The following MXI1 variants were observed in gnomAD, a reference collection of about 807,000 sequenced individuals.
The protein encoded by MXI1 is max-interacting protein 1.
Under a neutral mutation model 36.9 loss-of-function variants are expected in MXI1, and 18 were observed. The ratio of observed to expected loss-of-function variants is 0.49; its 90% CI spans 0.34 to 0.72. The LOEUF is 0.72. Ranked by LOEUF, MXI1 falls within the 30% of genes least tolerant of loss-of-function variation. The pLI, the probability that MXI1 is intolerant of heterozygous loss-of-function variation, is 0.01. For synonymous variants in MXI1, 160 were observed against 146.7 expected, an observed-to-expected ratio of 1.09 and a Z score of -0.65; for missense variants, 304 against 379.1, an observed-to-expected ratio of 0.80 and a Z score of 1.64.
chr10:110,232,374 C>A (rs564574096), intron 2 of MXI1, among the ~76,000 whole-genome samples: 2 of 152,126 alleles, frequency 1.3e-5, no homozygotes, highest in African/African-American at 2.4e-5. Context: ...TTTCCCTCCC[C>A]CTTTGTTATC....
intron 3 of MXI1, among the ~76,000 whole-genome samples, chr10:110,258,555 T>G (rs1856395936): frequency 6.6e-6 from 1 of 152,164 alleles, no homozygotes; most frequent in Admixed American, 6.6e-5. Flanking sequence ...CATGTATTTC[T>G]TTTTGTATGC....
intron 1 of MXI1, among the ~76,000 whole-genome samples, chr10:110,210,852 C>T (rs1460479315): frequency 6.6e-6 from 1 of 152,192 alleles, no homozygotes; most frequent in Non-Finnish European, 1.5e-5. Flanking sequence ...GCGCCCGGCT[C>T]GGGCACTGCG....
intron 2 of MXI1, among the ~76,000 whole-genome samples, chr10:110,241,424 G>T (rs1855665086): frequency 6.6e-6 from 1 of 151,942 alleles, no homozygotes; most frequent in African/African-American, 2.4e-5. Context: ...TATTGGAAGG[G>T]CTTGGTTGGA....
chr10:110,269,909 C>T (rs1590396769), intron 3 of MXI1, among the ~76,000 whole-genome samples: 1 of 152,020 alleles, frequency 6.6e-6, no homozygotes, highest in East Asian at 1.9e-4. Context: ...ATGGGGGCTG[C>T]CAGAATAGAG....
intron 1 of MXI1, among the ~76,000 whole-genome samples, chr10:110,214,103 A>G (rs895708027): frequency 1.3e-5 from 2 of 152,182 alleles, no homozygotes; most frequent in African/African-American, 4.8e-5. Context: ...CTGAGTTTTG[A>G]ACTTAGGCCT....
intron 2 of MXI1, among the ~76,000 whole-genome samples, chr10:110,242,315 A>G (rs953842083): frequency 1.3e-5 from 2 of 151,938 alleles, no homozygotes; most frequent in African/African-American, 4.8e-5. Flanking sequence ...ATCTTAATTT[A>G]CCCAATGGAG....
chr10:110,218,917 G>A (rs1854725673), intron 1 of MXI1, among the ~76,000 whole-genome samples: 5 of 152,240 alleles, frequency 3.3e-5, no homozygotes, highest in Admixed American at 3.3e-4. Context: ...CACCGTGACA[G>A]TGTGGGCCAG....
chr10:110,228,252 A>G lies in MXI1; in HGVS notation c.338A>G (p.Lys113Arg), dbSNP rs1193566325. ...CCGAGCCCCCGACTGCAGCATTCAAAGCCCCCACGGAGGTTGAGCCGGGCA... is the reference window on the plus strand; with the variant it reads ...CCGAGCCCCCGACTGCAGCATTCAAGGCCCCCACGGAGGTTGAGCCGGGCA... ...SMPSPRLQHSKPPRRLSRAQK... is the reference protein window; with the variant it reads ...SMPSPRLQHSRPPRRLSRAQK... Residue 113 changes from lysine (K) to arginine (R), a missense_variant, in exon 2 of 6, where the codon AAG becomes AGG. Physicochemically the swap from Lys to Arg is conservative, Grantham distance 26. Transcript: ENST00000332674. The G allele has an allele frequency of 3.7e-6, 6 of 1,613,954 alleles. No homozygotes were observed. The highest frequency in any genetic ancestry group is 5.1e-6 in the Non-Finnish European group (6 of 1,179,984).
chr10:110,210,475 C>T (rs1336577737), intron 1 of MXI1, among the ~76,000 whole-genome samples: 1 of 152,134 alleles, frequency 6.6e-6, no homozygotes, highest in Admixed American at 6.5e-5. Flanking sequence ...GGCGCCGCGC[C>T]GTGCCCAGTT....
intron 1 of MXI1, 61 bp from the exon 2 acceptor site, chr10:110,228,127 TG>T: frequency 6.3e-7 from 1 of 1,576,874 alleles, no homozygotes; most frequent in Non-Finnish European, 8.7e-7. Context: ...CTCGGATTTG[TG>T]GGTCAATGGA....
At chr10:110,265,214 G>C (rs200599906) in intron 3 of MXI1, among the ~76,000 whole-genome samples, 2 of 152,142 alleles carry the variant, frequency 1.3e-5, no homozygotes, top group Admixed American at 6.5e-5. Flanking sequence ...TTATCTTTTA[G>C]CAACAGTTTT....
At position 110,228,455 on chromosome 10, in the gene MXI1, A is replaced by T. The variant is rs759308654; in HGVS notation, c.407+134A>T. 4 of 1,080,232 alleles carry T rather than the reference A, an allele frequency of 3.7e-6. No homozygotes were observed. In the South Asian group the frequency reaches 4.6e-5, roughly 12 times the overall value. 66.9% of individuals were successfully genotyped at this position (1,080,232 alleles called of 1,614,324 possible). A position where few individuals can be genotyped will look rare whatever the true frequency, so the allele number is the denominator to read the frequency against. On this transcript the variant is annotated intron_variant, in intron 2 of 5. Coordinates refer to ENST00000332674, the MANE Select transcript of MXI1 (RefSeq NM_130439.3). The stretch of plus-strand genomic sequence containing the variant: ...CTGGGGATTTGGCCCTTTTAAAATA[A>T]TGAAGTCTAGAAATCATAACCTGGT...
chr10:110,264,052 A>AT (rs1856605260), intron 3 of MXI1, among the ~76,000 whole-genome samples: 1 of 151,714 alleles, frequency 6.6e-6, no homozygotes, highest in Non-Finnish European at 1.5e-5. Context: ...ATCTGGAGCC[A>AT]TTTTTCTGTT....
intron 2 of MXI1, among the ~76,000 whole-genome samples, chr10:110,229,853 C>CT (rs35572551): frequency 0.029 from 4,394 of 149,956 alleles, 365 homozygotes; most frequent in East Asian, 0.28. Flanking sequence ...GATTAAAAAA[C>CT]TTTTTTTTTT....
chr10:110,207,746 C>A lies in MXI1; in HGVS notation c.-63C>A. ...CAGCCGGCCGGGTCTCCCTGGGGGC[C>A]CGGAGCTCGGCCGGGCCGCGCAGCC... On this transcript the variant is annotated 5_prime_UTR_variant, in exon 1 of 6. Transcript: ENST00000332674. 1 of 1,085,324 alleles carries A rather than the reference C, an allele frequency of 9.2e-7. No homozygotes were observed. The highest frequency in any genetic ancestry group is 1.1e-6 in the Non-Finnish European group (1 of 888,052). 67.2% of individuals were successfully genotyped at this position (1,085,324 alleles called of 1,614,324 possible). A position where few individuals can be genotyped will look rare whatever the true frequency, so the allele number is the denominator to read the frequency against.
intron 3 of MXI1, among the ~76,000 whole-genome samples, chr10:110,269,433 A>G (rs901768429): frequency 5.9e-5 from 9 of 152,210 alleles, no homozygotes; most frequent in African/African-American, 1.7e-4. Flanking sequence ...AGCATTCTTT[A>G]AATGTGCTGT....
At chr10:110,228,738 T>A (rs988880313) in intron 2 of MXI1, among the ~76,000 whole-genome samples, 1 of 152,048 alleles carries the variant, frequency 6.6e-6, no homozygotes, top group African/African-American at 2.4e-5. Context: ...AATAAAAATA[T>A]TTAGGTAGAA....
Position 110,207,952 on chromosome 10 carries a change from G to C in MXI1, c.144G>C (p.Arg48Ser), listed in dbSNP as rs200511976. 1.1e-5 allele frequency: 17 copies of C among 1,593,470 alleles called. No homozygotes were observed. In the East Asian group the frequency reaches 4.0e-4, roughly 38 times the overall value. Residue 48 changes from arginine to serine, a missense_variant, in exon 1 of 6, where the codon AGG (arginine) becomes AGC (serine). Physicochemically the swap from Arg to Ser is moderately radical, Grantham distance 110. Around this residue, in one of 2 missense-constraint regions of MXI1, gnomAD observed 179 missense variants for 184.8 expected, o/e 0.97. Transcript: ENST00000332674. ...AGGACCCCGCTGGGGCCAAGCCCAG[G>C]TGCCCCTTCTCAGACATTTTCAACA... ...LPEDPAGAKP[R>S]CPFSDIFNTS... is the part of the protein sequence containing the mutation.
chr10:110,264,746 A>C (rs1245054961), intron 3 of MXI1, among the ~76,000 whole-genome samples: 3 of 152,150 alleles, frequency 2.0e-5, no homozygotes, highest in Non-Finnish European at 2.9e-5. Context: ...ACTCAGGCAA[A>C]TTCCTGTTAA....
Sources: gnomAD v4.1 joint callset for allele counts (sites outside exome capture counted in the v4.1 genomes callset) on GRCh38, gnomAD v4.1.1 for gene constraint, gnomAD v4.1.1 regional missense constraint, MANE v1.5 for transcripts, NCBI Gene and HGNC (gene_info 2026-07-23, HGNC 2026-07-21) for gene names.